The following SLC50A1 variants were observed in gnomAD, a reference collection of about 807,000 sequenced individuals.
The protein encoded by SLC50A1 is solute carrier family 50 member 1, also known as sugar transporter SWEET1.
SLC50A1 carries 22 observed loss-of-function variants against 28.9 expected under a neutral mutation model. The ratio of observed to expected loss-of-function variants is 0.76; its 90% confidence interval spans 0.54 to 1.09. SLC50A1 has a LOEUF of 1.09. Ranked by LOEUF, SLC50A1 falls within the 50% of genes least tolerant of loss-of-function variation. The pLI, the probability that SLC50A1 is intolerant of heterozygous loss-of-function variation, is 0.00. For missense variants in SLC50A1, 233 were observed against 273.4 expected (o/e 0.85, Z 1.04); for synonymous variants, 96 against 110.6 (o/e 0.87, Z 0.83).
In SLC50A1 at chr1:155,136,394, G is replaced by A. The variant is rs1664472628; in HGVS notation, c.158+18G>A. ...GAAGTCAAGTGAGGGGCCGACGGCT[G>A]CGGTAGTGGGAAAGGCTACCAGAGG... On this transcript the variant is annotated intron_variant, in intron 2 of 5. Transcript: ENST00000368404. 6.2e-7 allele frequency: 1 copy of A among 1,608,168 alleles called. No homozygotes were observed. The highest frequency in any genetic ancestry group is 1.3e-5 in the African/African-American group (1 of 74,774).
intron 3 of SLC50A1, 195 bp downstream of exon 3, chr1:155,137,146 G>T: frequency 1.4e-6 from 1 of 707,928 alleles, no homozygotes; most frequent in Non-Finnish European, 2.3e-6. Flanking sequence ...AGGCAAGGCT[G>T]GTAGCTCTGC....
Position 155,137,633 on chromosome 1 carries a change from G to A in SLC50A1, c.355G>A (p.Val119Ile). The A allele has an allele frequency of 2.5e-6, 4 of 1,614,156 alleles. No individual in the cohort carries two copies. The highest frequency in any genetic ancestry group is 1.1e-5 in the South Asian group (1 of 91,078). Residue 119 changes from valine (V) to isoleucine (I), a missense_variant, in exon 4 of 6, where the codon GTA becomes ATA. By Grantham distance (29) the Val-to-Ile change is conservative. Transcript: ENST00000368404. ...LLGYGYFWLL[V>I]PNPEARLQQL... is the part of the protein sequence containing the mutation. ...GGGTTATGGCTACTTTTGGCTCCTG[G>A]TACCCAACCCTGAGGCCCGGCTTCA...
chr1:155,135,885 T>G lies in SLC50A1; in HGVS notation c.-27T>G, dbSNP rs1326792417. ...GCAACCGCAGGCTCGCGGCGGGCGC[T>G]GGGCGCGGGATCCGACTCTAGTCGT... On this transcript the variant is annotated 5_prime_UTR_variant, in exon 1 of 6. Transcript: ENST00000368404. 6.2e-7 allele frequency: 1 copy of G among 1,604,788 alleles called. No individual in the cohort carries two copies. Among genetic ancestry groups the G allele is most frequent in the Non-Finnish European group, 8.5e-7 (1 of 1,176,708 alleles).
Position 155,135,886 on chromosome 1 carries a change from GGGC to G in SLC50A1, c.-24_-22del. 1 of 1,607,088 alleles carries G rather than the reference GGGC, an allele frequency of 6.2e-7. No homozygotes were observed. The highest frequency in any genetic ancestry group is 8.5e-7 in the Non-Finnish European group (1 of 1,177,466). ...CAACCGCAGGCTCGCGGCGGGCGCT[GGGC>G]GCGGGATCCGACTCTAGTCGTAATG... On this transcript the variant is annotated 5_prime_UTR_variant, in exon 1 of 6. Transcript: ENST00000368404.
upstream of SLC50A1, chr1:155,135,433 C>T (rs1664375807): frequency 4.3e-6 from 3 of 698,978 alleles, no homozygotes; most frequent in Non-Finnish European, 6.9e-6. Context: ...CAGAAAAAAA[C>T]TTCCCAAACC....
intron 2 of SLC50A1, 109 bp from the exon 3 acceptor site, chr1:155,136,719 G>A (rs1664504568): frequency 1.4e-6 from 2 of 1,458,822 alleles, no homozygotes; most frequent in Admixed American, 2.2e-5. Context: ...CTCCAGCCTG[G>A]GCGACAGAGC....
At position 155,136,393 on chromosome 1, in the gene SLC50A1, T is replaced by C; in HGVS notation, c.158+17T>C. 6.2e-7 allele frequency: 1 copy of C among 1,606,988 alleles called. No individual in the cohort carries two copies. Among genetic ancestry groups the C allele is most frequent in the Non-Finnish European group, 8.5e-7 (1 of 1,176,148 alleles). ...GGAAGTCAAGTGAGGGGCCGACGGCTGCGGTAGTGGGAAAGGCTACCAGAG... is the reference window on the plus strand; with the variant it reads ...GGAAGTCAAGTGAGGGGCCGACGGCCGCGGTAGTGGGAAAGGCTACCAGAG... On this transcript the variant is annotated intron_variant, in intron 2 of 5. Transcript: ENST00000368404.
At chr1:155,135,814 C>T, upstream of SLC50A1, 2 of 1,571,836 alleles carry the variant, frequency 1.3e-6, no homozygotes, top group Non-Finnish European at 1.7e-6. Flanking sequence ...GCCGAGTGCG[C>T]GGGGCGGGGC....
rs1664618298 is a variant in SLC50A1, at chr1:155,138,266, G to A, written c.651G>A (p.Trp217Ter). The change falls in exon 6 of 6, where the codon TGG (tryptophan) becomes TGA (stop). Residue 217 changes from tryptophan (W) to a stop codon, truncating the protein, a stop_gained. Coordinates refer to ENST00000368404, the MANE Select transcript of SLC50A1 (RefSeq NM_018845.4). LOFTEE classifies it high-confidence loss of function. ...CCCAGGAGCAAGACAGGAACTACTGGCTCCTGCAAACCTGAGGCTGCTCAT... is the reference window on the plus strand; with the variant it reads ...CCCAGGAGCAAGACAGGAACTACTGACTCCTGCAAACCTGAGGCTGCTCAT... Reference protein sequence around the residue: ...KYPQEQDRNYWLLQT With the variant: ...KYPQEQDRNY The A allele has an allele frequency of 3.1e-6, 5 of 1,614,042 alleles. No individual in the cohort carries two copies. Among genetic ancestry groups the A allele is most frequent in the Non-Finnish European group, 4.2e-6 (5 of 1,180,016 alleles).
chr1:155,136,756 G>T, intron 2 of SLC50A1, 72 bp from the exon 3 acceptor site: 7 of 1,506,784 alleles, frequency 4.6e-6, no homozygotes, highest in Middle Eastern at 1.9e-4. Flanking sequence ...AAAAAAAAAA[G>T]AGTGAAAGAC....
At chr1:155,137,927 T>C in intron 4 of SLC50A1, 52 bp from the exon 5 acceptor site, 1 of 1,612,426 alleles carries the variant, frequency 6.2e-7, no homozygotes, top group Non-Finnish European at 8.5e-7. Context: ...CTTAGGCAAG[T>C]GAAGCTTTAC....
chr1:155,135,569 G>A (rs1258553068), upstream of SLC50A1: 1 of 1,542,242 alleles, frequency 6.5e-7, no homozygotes, highest in African/African-American at 1.4e-5. Flanking sequence ...CACGAGCGTT[G>A]AGACTGGGGG....
chr1:155,137,218 C>G, intron 3 of SLC50A1: 1 of 554,930 alleles, frequency 1.8e-6, no homozygotes, highest in East Asian at 3.1e-5. Flanking sequence ...GGGGAAAGGG[C>G]TTTTGTCTCT....
chr1:155,137,463 G>T, intron 3 of SLC50A1, 98 bp from the exon 4 acceptor site: 1 of 1,482,010 alleles, frequency 6.7e-7, no homozygotes, highest in Non-Finnish European at 9.2e-7. Flanking sequence ...TAGACAGCTT[G>T]GCTTCCCCAT....
Position 155,138,180 on chromosome 1 carries a change from G to A in SLC50A1, c.565G>A (p.Val189Met). ...CTCATAGCAGTTCTTGTGATTTCAG[G>A]TGTCCAACTTTCCAGGAATCGTCAC... ...GFRLRDPYIM[V>M]SNFPGIVTSF... Residue 189 changes from valine (V) to methionine (M), a missense_variant and splice_region_variant, in exon 6 of 6, where the codon GTG becomes ATG. Physicochemically the swap from Val to Met is conservative, Grantham distance 21 (BLOSUM62 1). Coordinates refer to ENST00000368404, the MANE Select transcript of SLC50A1 (RefSeq NM_018845.4). 6.2e-7 allele frequency: 1 copy of A among 1,614,176 alleles called. No individual in the cohort carries two copies. The highest frequency in any genetic ancestry group is 8.5e-7 in the Non-Finnish European group (1 of 1,180,040).
chr1:155,135,751 G>A, upstream of SLC50A1: 3 of 1,549,552 alleles, frequency 1.9e-6, no homozygotes, highest in South Asian at 1.2e-5. Context: ...TCGGAGGGAG[G>A]GTGGGGCTTC....
chr1:155,135,826 C>G, upstream of SLC50A1: 1 of 1,586,412 alleles, frequency 6.3e-7, no homozygotes, highest in African/African-American at 1.3e-5. Flanking sequence ...GGGCGGGGCT[C>G]CAGAGCCGCA....
Position 155,138,745 on chromosome 1 carries a change from A to G in SLC50A1, c.*464A>G, listed in dbSNP as rs543183251. 78 of 179,574 alleles carry G rather than the reference A, an allele frequency of 4.3e-4. No homozygotes were observed. The highest frequency in any genetic ancestry group is 7.6e-4 in the Non-Finnish European group (63 of 82,798). The allele number at this position is 179,574 out of a possible 1,614,324, so 11.1% of individuals were successfully genotyped here. ...AGGCTGAGGCAGGAGAATTGCTTGA[A>G]CCCAGGAGGTGGAGGTTGCAGTGAG... is the stretch of plus-strand genomic sequence containing the variant. On this transcript the variant is annotated 3_prime_UTR_variant, in exon 6 of 6. Transcript: ENST00000368404.
chr1:155,137,746 T>A (rs770061579), intron 4 of SLC50A1, 24 bp downstream of exon 4: 4 of 1,612,584 alleles, frequency 2.5e-6, no homozygotes, highest in Non-Finnish European at 3.4e-6. Flanking sequence ...TCCAAGGAGG[T>A]AGGAGAGATA....
Sources: gnomAD v4.1 joint callset for allele counts on GRCh38, gnomAD v4.1.1 for gene constraint, MANE v1.5 for transcripts, NCBI Gene and HGNC (gene_info 2026-07-23, HGNC 2026-07-21) for gene names.